The following ARHGEF9 variants were observed in gnomAD, a reference collection of about 807,000 sequenced individuals.
The protein encoded by ARHGEF9 is Cdc42 guanine nucleotide exchange factor 9.
Under a neutral mutation model 41.3 loss-of-function variants are expected in ARHGEF9, and 2 were observed. The observed-to-expected ratio is 0.05, with a 90% confidence interval of 0.02 to 0.15. ARHGEF9 has a LOEUF of 0.15. Ranked by LOEUF, ARHGEF9 falls within the 10% of genes least tolerant of loss-of-function variation. The pLI, the probability that ARHGEF9 is intolerant of heterozygous loss-of-function variation, is 1.00. For synonymous variants in ARHGEF9, 160 were observed against 154.4 expected (o/e 1.04, Z -0.27); for missense variants, 225 against 424.7 (o/e 0.53, Z 4.13).
chrX:63,783,660 G>C (rs1215633596), intron 1 of ARHGEF9, among the ~76,000 whole-genome samples: 3 of 111,601 alleles, frequency 2.7e-5, no homozygotes, highest in Admixed American at 9.5e-5. Context: ...GCAAATGATT[G>C]GTGGAGCAGT....
At chrX:63,692,153 C>A (rs1215260868) in intron 4 of ARHGEF9, among the ~76,000 whole-genome samples, 1 of 111,955 alleles carries the variant, frequency 8.9e-6, no homozygotes, top group African/African-American at 3.2e-5. Flanking sequence ...TGCACAAAGA[C>A]TCTATTGAGT....
chrX:63,697,445 G>A, intron 3 of ARHGEF9, 141 bp from the exon 4 acceptor site: 2 of 542,661 alleles, frequency 3.7e-6, no homozygotes, highest in South Asian at 3.0e-5. Flanking sequence ...TGAGGAAACT[G>A]AGGTTTACAG....
chrX:63,770,039 G>A (rs1463580646), intron 1 of ARHGEF9, among the ~76,000 whole-genome samples: 2 of 111,533 alleles, frequency 1.8e-5, no homozygotes, highest in Admixed American at 1.9e-4. Flanking sequence ...TCCACTAACA[G>A]CTTGCATCTT....
At chrX:63,773,429 A>T (rs2056236344) in intron 1 of ARHGEF9, among the ~76,000 whole-genome samples, 1 of 111,730 alleles carries the variant, frequency 9.0e-6, no homozygotes, top group Non-Finnish European at 1.9e-5. Flanking sequence ...TACTCTGCCC[A>T]CCCAAGTGTG....
In ARHGEF9 at chrX:63,652,917, C is replaced by T. The variant is rs2086225; in HGVS notation, c.1321+2577G>A. On this transcript the variant is annotated intron_variant, in intron 8 of 9. Transcript: ENST00000671741. Reference sequence around the variant, plus strand: ...AAAAGTATGTGGCACTTCCCTCTTGCTCTCTCTCTCTCCTGCCACTATGTG... The same window carrying T: ...AAAAGTATGTGGCACTTCCCTCTTGTTCTCTCTCTCTCCTGCCACTATGTG... Among the ~76,000 whole-genome samples, 139 of 110,447 alleles carry T rather than the reference C, an allele frequency of 1.3e-3. 2 individuals are homozygous for T. In the South Asian group the frequency reaches 0.052, roughly 41 times the overall value.
At chrX:63,684,726 T>A (rs1556373482) in intron 4 of ARHGEF9, among the ~76,000 whole-genome samples, 1 of 109,844 alleles carries the variant, frequency 9.1e-6, no homozygotes, top group South Asian at 3.8e-4. Context: ...ATTTTTAATT[T>A]ATTTATATAT....
intron 1 of ARHGEF9, among the ~76,000 whole-genome samples, chrX:63,734,672 T>TAGG (rs2054510266): frequency 1.8e-5 from 2 of 111,503 alleles, no homozygotes; most frequent in Admixed American, 1.9e-4. Flanking sequence ...GCTGAGGAAT[T>TAGG]ACGGTGGCCT....
intron 1 of ARHGEF9, among the ~76,000 whole-genome samples, chrX:63,750,131 G>T (rs2055528713): frequency 8.9e-6 from 1 of 112,169 alleles, no homozygotes; most frequent in African/African-American, 3.2e-5. Context: ...TATTTTGGGA[G>T]AAAAGGCTCA....
At chrX:63,775,866 A>G (rs2056285519) in intron 1 of ARHGEF9, among the ~76,000 whole-genome samples, 1 of 111,676 alleles carries the variant, frequency 9.0e-6, no homozygotes, top group Non-Finnish European at 1.9e-5. Flanking sequence ...AATCAAAAGT[A>G]CATTTAAATA....
At chrX:63,749,185 A>G (rs1602689342) in intron 1 of ARHGEF9, among the ~76,000 whole-genome samples, 1 of 112,531 alleles carries the variant, frequency 8.9e-6, no homozygotes, top group East Asian at 2.8e-4. Flanking sequence ...GGAAGCTAGT[A>G]TGACTTCAGG....
intron 4 of ARHGEF9, among the ~76,000 whole-genome samples, chrX:63,694,515 C>A (rs1556385336): frequency 4.5e-5 from 5 of 111,548 alleles, no homozygotes; most frequent in Non-Finnish European, 9.4e-5. Flanking sequence ...TGCTACTAAG[C>A]AATAAAAAAG....
chrX:63,782,613 T>C (rs2056400185), intron 1 of ARHGEF9, among the ~76,000 whole-genome samples: 1 of 112,662 alleles, frequency 8.9e-6, no homozygotes, highest in African/African-American at 3.2e-5. Context: ...GTTACTACAG[T>C]CAAATGTACT....
chrX:63,736,983 G>T (rs2054650165), intron 1 of ARHGEF9: 1 of 111,043 alleles, frequency 9.0e-6, no homozygotes, highest in African/African-American at 3.3e-5. Flanking sequence ...TTCTCCCTAA[G>T]TCTCACCTTG....
intron 1 of ARHGEF9, chrX:63,754,342 C>A: frequency 8.3e-7 from 1 of 1,209,955 alleles, no homozygotes; most frequent in Non-Finnish European, 1.1e-6. Context: ...TGTTGAAGCT[C>A]AAAACGTTTT....
At chrX:63,749,162 TG>T (rs1360078921) in intron 1 of ARHGEF9, among the ~76,000 whole-genome samples, 17 of 112,508 alleles carry the variant, frequency 1.5e-4, no homozygotes, top group Non-Finnish European at 2.8e-4. Context: ...TTATTAAAAA[TG>T]TGAGTAGCTG....
At chrX:63,760,263 A>G (rs2056011509) in intron 1 of ARHGEF9, among the ~76,000 whole-genome samples, 1 of 110,392 alleles carries the variant, frequency 9.1e-6, no homozygotes, top group Admixed American at 9.7e-5. Flanking sequence ...ATAGTCCCTC[A>G]TGCTTGCTAC....
At chrX:63,641,320 C>T (rs2047615958) in intron 9 of ARHGEF9, 1 of 103,995 alleles carries the variant, frequency 9.6e-6, no homozygotes, top group African/African-American at 3.6e-5. Context: ...CCATTGCACT[C>T]CAGCCTGCAC....
intron 1 of ARHGEF9, among the ~76,000 whole-genome samples, chrX:63,780,999 T>C (rs782015203): frequency 3.3e-4 from 37 of 112,093 alleles, no homozygotes; most frequent in Admixed American, 3.1e-3. Flanking sequence ...TGTGGGTCAC[T>C]TCAATTCTGT....
intron 4 of ARHGEF9, among the ~76,000 whole-genome samples, chrX:63,691,716 A>G (rs1556381632): frequency 9.0e-6 from 1 of 111,468 alleles, no homozygotes; most frequent in Admixed American, 9.6e-5. Flanking sequence ...CCTAAGGTTC[A>G]TATGGACCCA....
Sources: gnomAD v4.1 joint callset for allele counts (sites outside exome capture counted in the v4.1 genomes callset) on GRCh38, gnomAD v4.1.1 for gene constraint, MANE v1.5 for transcripts, NCBI Gene and HGNC (gene_info 2026-07-23, HGNC 2026-07-21) for gene names.